The following ACOX3 variants were observed in gnomAD, a reference collection of about 807,000 sequenced individuals.
ACOX3 encodes peroxisomal acyl-coenzyme A oxidase 3.
A neutral mutation model predicts 81.5 loss-of-function variants in ACOX3; 73 were observed. The ratio of observed to expected loss-of-function variants is 0.90; its 90% confidence interval spans 0.74 to 1.09. ACOX3 has a LOEUF of 1.09. Ranked by LOEUF, ACOX3 falls within the 50% of genes least tolerant of loss-of-function variation. ACOX3 has a pLI of 0.00. For missense variants in ACOX3, 947 were observed against 928.0 expected, an observed-to-expected ratio of 1.02 and a Z score of -0.27; for synonymous variants, 387 against 375.1, an observed-to-expected ratio of 1.03 and a Z score of -0.37.
In ACOX3 at chr4:8,381,840, G is replaced by A. The variant is rs569758144; in HGVS notation, c.1538-233C>T. ...GCACTTCCTGGCTCAGCCCAGGGCT[G>A]TCCTGAGTTCTACACTGTTCCAGCA... On this transcript the variant is annotated intron_variant, in intron 13 of 17. Coordinates refer to ENST00000356406, the MANE Select transcript of ACOX3 (RefSeq NM_003501.3). This position sits in a 1 kb window ranked among gnomAD's most constrained non-coding sequence, Gnocchi z 4.3. 4.0e-5 allele frequency among the ~76,000 whole-genome samples: 6 copies of A among 151,892 alleles called. No individual in the cohort carries two copies. Among genetic ancestry groups the A allele is most frequent in the Admixed American group, 3.3e-4 (5 of 15,272 alleles).
chr4:8,414,177 T>C lies in ACOX3; in HGVS notation c.543+115A>G. 2 of 875,190 alleles carry C rather than the reference T, an allele frequency of 2.3e-6. No individual in the cohort carries two copies. Among genetic ancestry groups the C allele is most frequent in the Non-Finnish European group, 3.7e-6 (2 of 536,472 alleles). 54.2% of individuals were successfully genotyped at this position (875,190 alleles called of 1,614,324 possible). The stretch of plus-strand genomic sequence containing the variant: ...CAGTGGGTATTTCTACACAAGTGTA[T>C]GTGGACAGGCCTCTTGCTTTAATGT... On this transcript the variant is annotated intron_variant, in intron 5 of 17. Coordinates refer to ENST00000356406, the MANE Select transcript of ACOX3 (RefSeq NM_003501.3). This position sits in a 1 kb window ranked among gnomAD's most constrained non-coding sequence, Gnocchi z 6.1.
At position 8,414,226 on chromosome 4, in the gene ACOX3, C is replaced by T. The variant is rs142992942; in HGVS notation, c.543+66G>A. On this transcript the variant is annotated intron_variant, in intron 5 of 17. Transcript: ENST00000356406. This position sits in a 1 kb window ranked among gnomAD's most constrained non-coding sequence, Gnocchi z 6.1. ...GTTTTTTTTTTCTTATTCTGGGCAA[C>T]GGCATTTGCACTCATGACGTCTCAT... The T allele has an allele frequency of 2.2e-4, 301 of 1,340,782 alleles. 2 individuals are homozygous for T. The African/African-American group carries it at 2.7e-3, about 12-fold the overall frequency. The allele number at this position is 1,340,782 out of a possible 1,614,324, so 83.1% of individuals were successfully genotyped here.
At chr4:8,396,349 G>A (rs1009821491) in intron 9 of ACOX3, among the ~76,000 whole-genome samples, 3 of 152,170 alleles carry the variant, frequency 2.0e-5, no homozygotes, top group Non-Finnish European at 2.9e-5. Flanking sequence ...ACGTGCGGCC[G>A]TGCACACACC....
At chr4:8,426,839 A>C (rs1578998447) in intron 1 of ACOX3, among the ~76,000 whole-genome samples, 1 of 152,284 alleles carries the variant, frequency 6.6e-6, no homozygotes, top group East Asian at 1.9e-4. Flanking sequence ...ACTAAGATCT[A>C]CCGTGGACCC....
chr4:8,371,058 A>T, intron 16 of ACOX3, 64 bp from the exon 17 acceptor site: 1 of 1,508,024 alleles, frequency 6.6e-7, no homozygotes, highest in Non-Finnish European at 9.2e-7. Flanking sequence ...ACCAAAGCAT[A>T]ACAGCCCCGT....
intron 11 of ACOX3, among the ~76,000 whole-genome samples, chr4:8,390,985 G>T (rs971668892): frequency 6.6e-6 from 1 of 152,044 alleles, no homozygotes. Flanking sequence ...GGTCATATTG[G>T]TCTCAATCCC....
chr4:8,373,806 G>T, intron 15 of ACOX3, 178 bp from the exon 16 acceptor site: 1 of 624,754 alleles, frequency 1.6e-6, no homozygotes, highest in East Asian at 2.8e-5. Context: ...CTGCTCAGGG[G>T]CCGAGTTCTG....
At chr4:8,421,210 T>C (rs1260681255) in intron 1 of ACOX3, among the ~76,000 whole-genome samples, 2 of 152,196 alleles carry the variant, frequency 1.3e-5, no homozygotes, top group African/African-American at 4.8e-5. Flanking sequence ...TACCCTTCCT[T>C]AGAATTGGAG....
At chr4:8,375,618 A>G (rs955375967) in intron 14 of ACOX3, among the ~76,000 whole-genome samples, 2 of 152,260 alleles carry the variant, frequency 1.3e-5, no homozygotes, top group Admixed American at 6.5e-5. Flanking sequence ...CACTTCTCCA[A>G]AGATCTGCCA....
rs556792424 is a variant in ACOX3 at position 8,416,124 on chromosome 4, C to A, written c.145-125G>T. ...ACAGTCTGACCCGGAGACACCCAGA[C>A]AGAGATATGACTATCATTCCCAATG... On this transcript the variant is annotated intron_variant, in intron 2 of 17. Transcript: ENST00000356406. The surrounding 1 kb of genome is among the most constrained non-coding windows in gnomAD (Gnocchi z 4.2). 30 of 1,051,046 alleles carry A rather than the reference C, an allele frequency of 2.9e-5. No individual in the cohort carries two copies. The highest frequency in any genetic ancestry group is 3.6e-5 in the Non-Finnish European group (26 of 713,506). The allele number at this position is 1,051,046 out of a possible 1,614,324, so 65.1% of individuals were successfully genotyped here.
chr4:8,397,396 G>A (rs1056124761), intron 8 of ACOX3, among the ~76,000 whole-genome samples: 1 of 152,228 alleles, frequency 6.6e-6, no homozygotes, highest in Admixed American at 6.5e-5. Context: ...TGACAGCGCT[G>A]GGTGAGGGTG....
chr4:8,381,857 G>A lies in ACOX3; in HGVS notation c.1538-250C>T, dbSNP rs373788067. 3.3e-5 allele frequency among the ~76,000 whole-genome samples: 5 copies of A among 152,358 alleles called. No homozygotes were observed. In the South Asian group the frequency reaches 1.0e-3, roughly 32 times the overall value. On this transcript the variant is annotated intron_variant, in intron 13 of 17. Transcript: ENST00000356406. This position sits in a 1 kb window ranked among gnomAD's most constrained non-coding sequence, Gnocchi z 4.3. Reference sequence around the variant, plus strand: ...CCAGGGCTGTCCTGAGTTCTACACTGTTCCAGCAGCCTGGAGGCCACAGGA... The same window carrying A: ...CCAGGGCTGTCCTGAGTTCTACACTATTCCAGCAGCCTGGAGGCCACAGGA...
rs1328085711 is a variant in ACOX3 at position 8,416,929 on chromosome 4, T to A, written c.-14-394A>T. ...TCACTAAACCCAGGGTCAGGAAGCA[T>A]TCCCTCTGGAATCCAGCCAGTGCCA... On this transcript the variant is annotated intron_variant, in intron 1 of 17. Transcript: ENST00000356406. The surrounding 1 kb of genome is among the most constrained non-coding windows in gnomAD (Gnocchi z 4.2). 6.6e-6 allele frequency among the ~76,000 whole-genome samples: 1 copy of A among 152,174 alleles called. No homozygotes were observed. Among genetic ancestry groups the A allele is most frequent in the Non-Finnish European group, 1.5e-5 (1 of 68,034 alleles).
At chr4:8,356,799 C>CA in the ACOX3 span, 1 of 455,878 alleles carries the variant, frequency 2.2e-6, no homozygotes, top group Admixed American at 2.4e-5. Context: ...AGAAAGTGAG[C>CA]AGAATGGTGC....
In ACOX3 at chr4:8,399,604, G is replaced by A. The variant is rs770429720; in HGVS notation, c.825C>T (p.Asn275=). The change falls in exon 8 of 18, where the codon AAC becomes AAT. Residue 275 remains asparagine, a synonymous_variant. Transcript: ENST00000356406. This position sits in a 1 kb window ranked among gnomAD's most constrained non-coding sequence, Gnocchi z 4.9. ...KVRVPRQSLL[N]RMGDVTPEGT... is the part of the protein sequence containing the mutation. ...CCTCGGGGGTGACGTCTCCCATCCG[G>A]TTCAGAAGGCTCTGGCGAGGAACTC... 4.3e-6 allele frequency: 7 copies of A among 1,614,192 alleles called. No homozygotes were observed. The highest frequency in any genetic ancestry group is 5.9e-6 in the Non-Finnish European group (7 of 1,180,034).
chr4:8,364,219 C>T (rs6858506), downstream of ACOX3, among the ~76,000 whole-genome samples: 2,650 of 152,274 alleles, frequency 0.017, 77 homozygotes, highest in African/African-American at 0.061. This position sits in a 1 kb window ranked among gnomAD's most constrained non-coding sequence, Gnocchi z 5.0. Context: ...ACTTCTGTCC[C>T]CTTAAAATGT....
chr4:8,392,203 T>A (rs1719076320), intron 11 of ACOX3, 130 bp downstream of exon 11: 2 of 1,230,884 alleles, frequency 1.6e-6, no homozygotes, highest in Non-Finnish European at 2.1e-6. Flanking sequence ...TGTGTTCCAA[T>A]AAAACTTTAT....
In ACOX3 at chr4:8,407,450, C is replaced by T. The variant is rs980390173; in HGVS notation, c.688-1407G>A. 2.0e-5 allele frequency among the ~76,000 whole-genome samples: 3 copies of T among 152,186 alleles called. No individual in the cohort carries two copies. Among genetic ancestry groups the T allele is most frequent in the Non-Finnish European group, 4.4e-5 (3 of 68,038 alleles). On this transcript the variant is annotated intron_variant, in intron 6 of 17. Transcript: ENST00000356406. This position sits in a 1 kb window ranked among gnomAD's most constrained non-coding sequence, Gnocchi z 4.6. ...AGGAGCTGAAAGAGATAGGAAGGATCCTCCCCTAGAGCCTTTAAAGGGAAT... is the reference window on the plus strand; with the variant it reads ...AGGAGCTGAAAGAGATAGGAAGGATTCTCCCCTAGAGCCTTTAAAGGGAAT...
At chr4:8,388,662 C>T (rs775534345) in intron 13 of ACOX3, among the ~76,000 whole-genome samples, 8 of 152,242 alleles carry the variant, frequency 5.3e-5, no homozygotes, top group Non-Finnish European at 7.3e-5. Flanking sequence ...CGCCCCACCC[C>T]GACCACCGCA....
Sources: allele counts gnomAD v4.1 joint callset (sites outside exome capture counted in the v4.1 genomes callset), GRCh38; gene constraint gnomAD v4.1.1; non-coding constraint Gnocchi (gnomAD v3.1); transcripts MANE v1.5; gene names NCBI Gene and HGNC (gene_info 2026-07-23, HGNC 2026-07-21).